The following MGLL variants were observed in gnomAD, a reference collection of about 807,000 sequenced individuals.
The protein encoded by MGLL is monoglyceride lipase, also known as lysophospholipase homolog.
Under a neutral mutation model 29.1 loss-of-function variants are expected in MGLL, and 7 were observed. The ratio of observed to expected loss-of-function variants is 0.24; its 90% CI spans 0.14 to 0.45. The LOEUF is 0.45. MGLL is among the 20% of genes least tolerant of loss of function. The pLI, the probability that MGLL is intolerant of heterozygous loss-of-function variation, is 0.99. For synonymous variants in MGLL, 148 were observed against 168.3 expected (o/e 0.88, Z 0.93); for missense variants, 356 against 413.6 (o/e 0.86, Z 1.21).
At chr3:127,791,570 T>C (rs1427478353) in intron 2 of MGLL, among the ~76,000 whole-genome samples, 1 of 152,264 alleles carries the variant, frequency 6.6e-6, no homozygotes, top group Non-Finnish European at 1.5e-5. Flanking sequence ...TGTCATGCTG[T>C]GGACTGAACT....
At position 127,782,181 on chromosome 3, in the gene MGLL, C is replaced by A. The variant is rs1324717855; in HGVS notation, c.156-286G>T. Among the ~76,000 whole-genome samples the A allele has an allele frequency of 2.0e-5, 3 of 152,038 alleles. No individual in the cohort carries two copies. In the East Asian group the frequency reaches 5.8e-4, roughly 29 times the overall value. On this transcript the variant is annotated intron_variant, in intron 2 of 7. Coordinates refer to ENST00000265052, the MANE Select transcript of MGLL (RefSeq NM_007283.7). Reference sequence around the variant, plus strand: ...AGATGACAGTGAGCTGAGATGGCGCCACTGTACTCCAGCCTGGGTGACAGA... The same window carrying A: ...AGATGACAGTGAGCTGAGATGGCGCAACTGTACTCCAGCCTGGGTGACAGA...
chr3:127,727,967 A>G (rs1300011083), intron 3 of MGLL, among the ~76,000 whole-genome samples: 1 of 152,190 alleles, frequency 6.6e-6, no homozygotes, highest in Non-Finnish European at 1.5e-5. Flanking sequence ...TGACTAGAGT[A>G]TTGTGTTTGA....
At chr3:127,790,774 C>T (rs1014489735) in intron 2 of MGLL, among the ~76,000 whole-genome samples, 1 of 152,108 alleles carries the variant, frequency 6.6e-6, no homozygotes, top group Non-Finnish European at 1.5e-5. Flanking sequence ...GCCTCCCCCA[C>T]ACCAGAATGC....
At chr3:127,786,398 T>C (rs1180205724) in intron 2 of MGLL, among the ~76,000 whole-genome samples, 2 of 152,084 alleles carry the variant, frequency 1.3e-5, no homozygotes, top group East Asian at 3.9e-4. Flanking sequence ...CAGCAGAAAT[T>C]AGGTTGCAGA....
intron 3 of MGLL, among the ~76,000 whole-genome samples, chr3:127,776,816 T>C (rs201353495): frequency 1.3e-5 from 2 of 152,200 alleles, no homozygotes; most frequent in East Asian, 3.9e-4. Flanking sequence ...ACTCTTCCAG[T>C]CATTCAGCAA....
intron 2 of MGLL, among the ~76,000 whole-genome samples, chr3:127,795,336 G>A (rs556529509): frequency 1.3e-5 from 2 of 151,896 alleles, no homozygotes; most frequent in African/African-American, 4.8e-5. Flanking sequence ...ACAAGTGGGA[G>A]CTAAGCATTG....
chr3:127,796,139 G>A (rs1369863654), intron 2 of MGLL, among the ~76,000 whole-genome samples: 2 of 152,120 alleles, frequency 1.3e-5, no homozygotes, highest in African/African-American at 4.8e-5. Flanking sequence ...AGGTATCTTG[G>A]AAATGGCTAA....
intron 6 of MGLL, among the ~76,000 whole-genome samples, chr3:127,703,367 G>C (rs1166360169): frequency 6.6e-6 from 1 of 152,218 alleles, no homozygotes; most frequent in Non-Finnish European, 1.5e-5. Flanking sequence ...GCTGATCACA[G>C]AACAGCAAAA....
chr3:127,732,834 T>G (rs781528631), intron 3 of MGLL, among the ~76,000 whole-genome samples: 2 of 152,110 alleles, frequency 1.3e-5, no homozygotes, highest in Non-Finnish European at 2.9e-5. Context: ...AGACCTCATG[T>G]CTATGAGGCC....
intron 2 of MGLL, among the ~76,000 whole-genome samples, chr3:127,815,325 G>A (rs1430260994): frequency 1.3e-5 from 2 of 152,296 alleles, no homozygotes; most frequent in East Asian, 1.9e-4. Flanking sequence ...CATTAAAGGT[G>A]TGTGCTGTGA....
At chr3:127,715,456 C>T in intron 5 of MGLL, 1 of 347,162 alleles carries the variant, frequency 2.9e-6, no homozygotes, top group Non-Finnish European at 5.7e-6. Context: ...TGTTTAGCCT[C>T]TTCCCCATAA....
At chr3:127,701,259 A>G (rs928972500) in intron 6 of MGLL, among the ~76,000 whole-genome samples, 7 of 149,572 alleles carry the variant, frequency 4.7e-5, no homozygotes, top group African/African-American at 1.7e-4. Flanking sequence ...AATAGCAACA[A>G]CAAAAAAAAC....
chr3:127,696,012 A>G (rs1461965894), intron 6 of MGLL, among the ~76,000 whole-genome samples: 2 of 152,162 alleles, frequency 1.3e-5, no homozygotes, highest in African/African-American at 4.8e-5. Flanking sequence ...GGCTTCGGCC[A>G]GGCACTGACA....
intron 3 of MGLL, among the ~76,000 whole-genome samples, chr3:127,732,967 C>T (rs774679069): frequency 6.6e-6 from 1 of 152,018 alleles, no homozygotes; most frequent in Admixed American, 6.5e-5. Flanking sequence ...GTGCCAGAGG[C>T]GTTTGAACCA....
In MGLL at chr3:127,692,330, T is replaced by G; in HGVS notation, c.817-7A>C. 6.2e-7 allele frequency: 1 copy of G among 1,614,014 alleles called. No individual in the cohort carries two copies. The highest frequency in any genetic ancestry group is 1.1e-5 in the South Asian group (1 of 91,076). On this transcript the variant is annotated splice_region_variant and splice_polypyrimidine_tract_variant and intron_variant, in intron 7 of 7. Transcript: ENST00000265052. ...GGTAGGCACCTTCATAAATCTGCAA[T>G]GAGGAGAGACACGGAATCAGAGCTG...
At chr3:127,809,650 A>G (rs780420724) in intron 2 of MGLL, among the ~76,000 whole-genome samples, 1 of 149,414 alleles carries the variant, frequency 6.7e-6, no homozygotes, top group Non-Finnish European at 1.5e-5. Context: ...AAAAAAAAAA[A>G]GACTAATGAG....
chr3:127,807,441 A>G (rs1360266093), intron 2 of MGLL, among the ~76,000 whole-genome samples: 1 of 151,644 alleles, frequency 6.6e-6, no homozygotes, highest in East Asian at 1.9e-4. Flanking sequence ...TATTTCCTCT[A>G]TTGTTTTCCT....
In MGLL at chr3:127,694,985, T is replaced by C; in HGVS notation, c.806A>G (p.Lys269Arg). Residue 269 changes from lysine (K) to arginine (R), a missense_variant, in exon 7 of 8, where the codon AAG (lysine) becomes AGG (arginine). Lys to Arg is a conservative substitution (Grantham distance 26). Coordinates refer to ENST00000265052, the MANE Select transcript of MGLL (RefSeq NM_007283.7). ...LLMELAKSQD[K>R]TLKIYEGAYH... ...GTGGCAGCCGCTCACCTTGAGAGTC[T>C]TGTCCTGGCTCTTGGCTAACTCCAT... 6.2e-7 allele frequency: 1 copy of C among 1,613,912 alleles called. No individual in the cohort carries two copies. Among genetic ancestry groups the C allele is most frequent in the Non-Finnish European group, 8.5e-7 (1 of 1,179,992 alleles).
chr3:127,695,307 T>C, intron 6 of MGLL, 117 bp from the exon 7 acceptor site: 2 of 1,062,908 alleles, frequency 1.9e-6, no homozygotes, highest in Non-Finnish European at 2.8e-6. Context: ...TCCATTCAGG[T>C]CAGCTGGGCT....
Sources: allele counts gnomAD v4.1 joint callset (sites outside exome capture counted in the v4.1 genomes callset), GRCh38; gene constraint gnomAD v4.1.1; transcripts MANE v1.5; gene names NCBI Gene and HGNC (gene_info 2026-07-23, HGNC 2026-07-21).